The following ECM2 variants were observed in gnomAD, a reference collection of about 807,000 sequenced individuals.
ECM2 encodes extracellular matrix protein 2, also known as extracellular matrix protein 2, female organ and adipocyte specific.
Under a neutral mutation model 67.5 loss-of-function variants are expected in ECM2, and 57 were observed. The ratio of observed to expected loss-of-function variants is 0.84; its 90% confidence interval spans 0.68 to 1.05. The LOEUF is 1.05. Ranked by LOEUF, ECM2 falls within the 50% of genes least tolerant of loss-of-function variation. The pLI is 0.00. For synonymous variants in ECM2, 258 were observed against 294.5 expected (o/e 0.88, Z 1.27); for missense variants, 741 against 822.8 (o/e 0.90, Z 1.22).
At chr9:92,547,853 GAC>G in the ECM2 span, among the ~76,000 whole-genome samples, 2 of 152,234 alleles carry the variant, frequency 1.3e-5, no homozygotes, top group South Asian at 4.1e-4. Context: ...GTGAAATACT[GAC>G]AGTTTTCCCT....
chr9:92,496,621 C>T (rs1016002227), intron 9 of ECM2, 138 bp from the exon 10 acceptor site: 12 of 1,046,142 alleles, frequency 1.1e-5, no homozygotes, highest in East Asian at 3.0e-5. Context: ...ATTCCAACTA[C>T]GTCAGAGATT....
chr9:92,541,448 C>T (rs1230324434), upstream of ECM2, among the ~76,000 whole-genome samples: 1 of 146,010 alleles, frequency 6.8e-6, no homozygotes, highest in Non-Finnish European at 1.5e-5. Context: ...CACACCCCCA[C>T]CCTCCTGGTT....
intron 1 of ECM2, among the ~76,000 whole-genome samples, chr9:92,525,703 C>T (rs1416399462): frequency 6.6e-6 from 1 of 151,960 alleles, no homozygotes; most frequent in Admixed American, 6.6e-5. Context: ...CCAGCCTGCC[C>T]AACATGGTGA....
chr9:92,518,557 T>G lies in ECM2; in HGVS notation c.293-682A>C, dbSNP rs140279066. 1.7e-3 allele frequency among the ~76,000 whole-genome samples: 254 copies of G among 152,330 alleles called. 2 individuals carry two copies. The highest frequency in any genetic ancestry group is 1.5e-4 in the Non-Finnish European group (10 of 68,018). On this transcript the variant is annotated intron_variant, in intron 2 of 9. Transcript: ENST00000344604. Reference sequence around the variant, plus strand: ...GAGCTATGTCTTTTATGGTTTATTATGCTATTGAAATATGATTCACATACT... The same window carrying G: ...GAGCTATGTCTTTTATGGTTTATTAGGCTATTGAAATATGATTCACATACT...
chr9:92,532,655 G>A (rs1460145680), intron 1 of ECM2, among the ~76,000 whole-genome samples: 2 of 151,594 alleles, frequency 1.3e-5, no homozygotes, highest in African/African-American at 4.8e-5. Flanking sequence ...TTCTTTTATT[G>A]TATTTTCTAG....
rs749071340 is a variant in ECM2 at position 92,505,526 on chromosome 9, T to C, written c.1464+7A>G. 1.3e-6 allele frequency: 2 copies of C among 1,582,882 alleles called. No homozygotes were observed. Among genetic ancestry groups the C allele is most frequent in the East Asian group, 4.5e-5 (2 of 44,592 alleles). ...ACATTTAAAACACTAAAAAAATATA[T>C]TGTTACCTCAATAGAACCAGGAAGA... On this transcript the variant is annotated splice_region_variant and intron_variant, in intron 7 of 9. Transcript: ENST00000344604.
At chr9:92,506,993 C>T (rs1033321688) in intron 6 of ECM2, among the ~76,000 whole-genome samples, 3 of 152,086 alleles carry the variant, frequency 2.0e-5, no homozygotes, top group South Asian at 2.1e-4. Flanking sequence ...CTGCAACCTC[C>T]GCCTCCCGGG....
Position 92,495,629 on chromosome 9 carries a change from A to T in ECM2, c.*686T>A. ...AACTTTAAAAAATAATTTTAGAATTATAGAAAAGTTTCAAAAAGAGTATAG... is the reference window on the plus strand; with the variant it reads ...AACTTTAAAAAATAATTTTAGAATTTTAGAAAAGTTTCAAAAAGAGTATAG... On this transcript the variant is annotated 3_prime_UTR_variant, in exon 10 of 10. Coordinates refer to ENST00000344604, the MANE Select transcript of ECM2 (RefSeq NM_001393.4). 1 of 947,054 alleles carries T rather than the reference A, an allele frequency of 1.1e-6. No homozygotes were observed. The highest frequency in any genetic ancestry group is 1.3e-6 in the Non-Finnish European group (1 of 795,016). The allele number at this position is 947,054 out of a possible 1,614,324, so 58.7% of individuals were successfully genotyped here. A position where few individuals can be genotyped will look rare whatever the true frequency, so the allele number is the denominator to read the frequency against.
At chr9:92,506,246 A>T (rs112450963) in intron 6 of ECM2, among the ~76,000 whole-genome samples, 27 of 152,322 alleles carry the variant, frequency 1.8e-4, no homozygotes, top group African/African-American at 5.5e-4. Context: ...GTCAGAAGTA[A>T]ACCAGAACAG....
At chr9:92,515,306 T>C in intron 3 of ECM2, 103 bp from the exon 4 acceptor site, 1 of 1,304,128 alleles carries the variant, frequency 7.7e-7, no homozygotes, top group Non-Finnish European at 9.7e-7. Context: ...TCCCTCCAAG[T>C]ATTTGAGTGC....
In ECM2 at chr9:92,500,869, C is replaced by T; in HGVS notation, c.1789G>A (p.Gly597Ser). The change falls in exon 9 of 10, where the codon GGC becomes AGC. Residue 597 changes from glycine (G) to serine (S), a missense_variant. Gly to Ser is a moderately conservative substitution (Grantham distance 56). Coordinates refer to ENST00000344604, the MANE Select transcript of ECM2 (RefSeq NM_001393.4). ...YLSFNKLADD[G>S]MDRVSFYGAY... ...CCATAGAAGGAGACACGGTCCATGC[C>T]ATCATCAGCAAGTTTGTTAAATGAC... is the stretch of plus-strand genomic sequence containing the variant. 6.2e-7 allele frequency: 1 copy of T among 1,614,132 alleles called. No individual in the cohort carries two copies. Among genetic ancestry groups the T allele is most frequent in the East Asian group, 2.2e-5 (1 of 44,880 alleles).
chr9:92,522,507 TTC>T (rs1044251374), intron 2 of ECM2, 66 bp downstream of exon 2: 90 of 1,413,788 alleles, frequency 6.4e-5, no homozygotes, highest in Non-Finnish European at 8.2e-5. Context: ...CCCTCTCTCC[TTC>T]TCTTTCCCCA....
At chr9:92,546,149 T>G in the ECM2 span, among the ~76,000 whole-genome samples, 1 of 152,144 alleles carries the variant, frequency 6.6e-6, no homozygotes, top group African/African-American at 2.4e-5. Flanking sequence ...CTTGGAGAAC[T>G]TCTGTGTCTA....
chr9:92,543,357 C>CA, the ECM2 span, among the ~76,000 whole-genome samples: 1 of 150,762 alleles, frequency 6.6e-6, no homozygotes, highest in Non-Finnish European at 1.5e-5. Flanking sequence ...CCTGTAGTCT[C>CA]AGCTACTCAG....
Position 92,522,148 on chromosome 9 carries a change from G to A in ECM2, c.292+427C>T, listed in dbSNP as rs142692391. On this transcript the variant is annotated intron_variant, in intron 2 of 9. Transcript: ENST00000344604. ...GTCGCCCAGGCTGGAGTGCAGTGGT[G>A]TGATCTCTGCTCACTGCAACCTCCA... Among the ~76,000 whole-genome samples, 19 of 152,066 alleles carry A rather than the reference G, an allele frequency of 1.2e-4. No homozygotes were observed. The East Asian group carries it at 3.7e-3, about 29-fold the overall frequency.
chr9:92,541,416 C>T (rs1849316357), upstream of ECM2, among the ~76,000 whole-genome samples: 1 of 85,214 alleles, frequency 1.2e-5, no homozygotes, highest in South Asian at 3.8e-4. Context: ...CCCCTTCCCC[C>T]TCCCCACCCC....
At chr9:92,554,515 C>T in the ECM2 span, among the ~76,000 whole-genome samples, 29 of 151,702 alleles carry the variant, frequency 1.9e-4, no homozygotes, top group African/African-American at 6.0e-4. Context: ...TGGTGTATCA[C>T]GTTTATTGAC....
chr9:92,533,916 A>G (rs1403253731), intron 1 of ECM2, among the ~76,000 whole-genome samples: 1 of 152,078 alleles, frequency 6.6e-6, no homozygotes, highest in Admixed American at 6.5e-5. Flanking sequence ...TTCTTTCTAT[A>G]GAAATTTTTT....
the ECM2 span, among the ~76,000 whole-genome samples, chr9:92,545,846 AG>A: frequency 6.7e-6 from 1 of 149,926 alleles, no homozygotes. Flanking sequence ...GTCTAGCTCA[AG>A]GTTTGGTAAA....
Sources: allele counts gnomAD v4.1 joint callset (sites outside exome capture counted in the v4.1 genomes callset), GRCh38; gene constraint gnomAD v4.1.1; transcripts MANE v1.5; gene names NCBI Gene and HGNC (gene_info 2026-07-23, HGNC 2026-07-21).